Variants in TRAPPC9 observed in about 807,000 individuals in gnomAD.
TRAPPC9 encodes the protein IKK2 binding protein.
Under a neutral mutation model 124.0 loss-of-function variants are expected in TRAPPC9, and 83 were observed. That is an observed-to-expected ratio of 0.67 (90% CI 0.56 to 0.80). TRAPPC9 has a LOEUF of 0.80. Among genes scored for constraint, TRAPPC9 ranks in the 30% least tolerant of loss-of-function variants. The pLI is 0.00. For missense variants in TRAPPC9, 1,302 were observed against 1,508.3 expected (o/e 0.86, Z 2.27); for synonymous variants, 638 against 617.5 (o/e 1.03, Z -0.49).
intron 21 of TRAPPC9, among the ~76,000 whole-genome samples, chr8:139,837,606 GC>G (rs1452985853): frequency 5.3e-5 from 8 of 152,164 alleles, no homozygotes; most frequent in Middle Eastern, 3.2e-3. Flanking sequence ...AGTGGGACTG[GC>G]CCCCTGAAGG....
chr8:140,200,302 T>TC (rs1415222934), intron 17 of TRAPPC9, among the ~76,000 whole-genome samples: 1 of 152,112 alleles, frequency 6.6e-6, no homozygotes, highest in Non-Finnish European at 1.5e-5. Context: ...GACAAGACCT[T>TC]CGTAAAGAAT....
intron 19 of TRAPPC9, among the ~76,000 whole-genome samples, chr8:139,925,815 GCA>G (rs1464376237): frequency 7.5e-5 from 7 of 93,478 alleles, no homozygotes; most frequent in African/African-American, 3.4e-4. Context: ...ACACGCACAC[GCA>G]CACGCACACG....
At chr8:139,819,070 C>A (rs1474608192) in intron 21 of TRAPPC9, among the ~76,000 whole-genome samples, 3 of 152,168 alleles carry the variant, frequency 2.0e-5, no homozygotes, top group Non-Finnish European at 2.9e-5. Context: ...GTATTTGCAG[C>A]CACCCCACAT....
intron 21 of TRAPPC9, among the ~76,000 whole-genome samples, chr8:139,741,028 C>T (rs1161733438): frequency 1.3e-5 from 2 of 152,166 alleles, no homozygotes; most frequent in Non-Finnish European, 2.9e-5. Context: ...GTTTCTGTGA[C>T]CCCAATGAGC....
intron 21 of TRAPPC9, among the ~76,000 whole-genome samples, chr8:139,824,057 T>C (rs1030823649): frequency 5.9e-5 from 9 of 152,212 alleles, no homozygotes; most frequent in African/African-American, 2.2e-4. Context: ...CGTGTATCAG[T>C]TCACCCCATT....
rs1320617456 is a variant in TRAPPC9 at position 140,216,387 on chromosome 8, C to A, written c.2556+5072G>T. 6.6e-6 allele frequency among the ~76,000 whole-genome samples: 1 copy of A among 152,196 alleles called. No homozygotes were observed. The highest frequency in any genetic ancestry group is 2.4e-5 in the African/African-American group (1 of 41,442). ...ATTGAAGAAAACAAAATCCATGCCA[C>A]AGGCACCAAGACCCAACCAAGTGTG... On this transcript the variant is annotated intron_variant, in intron 17 of 22. Transcript: ENST00000438773. This position sits in a 1 kb window ranked among gnomAD's most constrained non-coding sequence, Gnocchi z 4.1.
intron 19 of TRAPPC9, among the ~76,000 whole-genome samples, chr8:139,946,419 G>A (rs1834215769): frequency 1.3e-5 from 2 of 152,172 alleles, no homozygotes; most frequent in South Asian, 4.1e-4. Context: ...TATATAGCAG[G>A]CGCTTGAGAA....
intron 2 of TRAPPC9, among the ~76,000 whole-genome samples, chr8:140,447,418 C>T (rs982334606): frequency 6.6e-6 from 1 of 152,000 alleles, no homozygotes; most frequent in Non-Finnish European, 1.5e-5. Flanking sequence ...TTTAATGCAA[C>T]ATGTTGACAG....
intron 13 of TRAPPC9, among the ~76,000 whole-genome samples, chr8:140,285,456 G>A (rs1187004695): frequency 6.6e-6 from 1 of 152,172 alleles, no homozygotes; most frequent in African/African-American, 2.4e-5. Flanking sequence ...GGATGGCTCT[G>A]AACTGCCCAC....
At chr8:140,115,823 C>A (rs573009646) in intron 17 of TRAPPC9, among the ~76,000 whole-genome samples, 1 of 152,082 alleles carries the variant, frequency 6.6e-6, no homozygotes, top group Non-Finnish European at 1.5e-5. Context: ...ATGCTGTGCC[C>A]GGGGCCCTTG....
chr8:140,170,630 G>A (rs1448685727), intron 17 of TRAPPC9, among the ~76,000 whole-genome samples: 1 of 152,204 alleles, frequency 6.6e-6, no homozygotes, highest in Non-Finnish European at 1.5e-5. Flanking sequence ...CATGAAGAAG[G>A]CTCACTGGGA....
chr8:140,117,946 CA>C (rs2060920897), intron 17 of TRAPPC9, among the ~76,000 whole-genome samples: 3 of 152,220 alleles, frequency 2.0e-5, no homozygotes, highest in African/African-American at 7.2e-5. Context: ...ACCAACAGTG[CA>C]TTTGTAATTT....
chr8:140,012,534 C>G (rs554262929), intron 18 of TRAPPC9, among the ~76,000 whole-genome samples: 2 of 152,352 alleles, frequency 1.3e-5, no homozygotes, highest in Admixed American at 1.3e-4. Context: ...TAAGGAGGCC[C>G]GCTTTATAAA....
intron 17 of TRAPPC9, among the ~76,000 whole-genome samples, chr8:140,103,963 C>A (rs181395884): frequency 3.7e-4 from 56 of 152,298 alleles, no homozygotes; most frequent in African/African-American, 1.3e-3. Flanking sequence ...AACAGAAATA[C>A]GCGTTTTTGA....
chr8:139,844,146 A>G (rs1826913998), intron 21 of TRAPPC9, among the ~76,000 whole-genome samples: 5 of 152,210 alleles, frequency 3.3e-5, no homozygotes, highest in Admixed American at 2.6e-4. Context: ...AGTGGCTTTC[A>G]TCAAGGAAAC....
intron 20 of TRAPPC9, among the ~76,000 whole-genome samples, chr8:139,894,669 C>G (rs972589187): frequency 2.0e-5 from 3 of 152,210 alleles, no homozygotes; most frequent in African/African-American, 4.8e-5. Flanking sequence ...TGACCAGACC[C>G]CTGTGAGCCA....
intron 21 of TRAPPC9, among the ~76,000 whole-genome samples, chr8:139,777,468 ATTGTAGAGGCGAGGCC>A (rs1326071651): frequency 6.6e-6 from 1 of 152,254 alleles, no homozygotes; most frequent in Admixed American, 6.5e-5. Flanking sequence ...TTTGTAGGGC[ATTGTAGAGGCGAGGCC>A]TTGTAGAGGC....
intron 21 of TRAPPC9, among the ~76,000 whole-genome samples, chr8:139,750,485 G>C (rs986685190): frequency 1.3e-5 from 2 of 152,160 alleles, no homozygotes; most frequent in Admixed American, 1.3e-4. Flanking sequence ...GAGCACCTTA[G>C]GGCCAGGCAG....
intron 16 of TRAPPC9, among the ~76,000 whole-genome samples, chr8:140,244,055 T>C (rs897793623): frequency 2.0e-5 from 3 of 152,212 alleles, no homozygotes; most frequent in Non-Finnish European, 2.9e-5. Context: ...ATCTAATGCC[T>C]GATGATCTGA....
Sources: gnomAD v4.1 joint callset for allele counts (sites outside exome capture counted in the v4.1 genomes callset) on GRCh38, gnomAD v4.1.1 for gene constraint, Gnocchi (gnomAD v3.1) non-coding constraint, MANE v1.5 for transcripts, NCBI Gene and HGNC (gene_info 2026-07-23, HGNC 2026-07-21) for gene names.